Variants in GAS6 observed in about 807,000 individuals in gnomAD.
The protein encoded by GAS6 is growth arrest-specific protein 6.
In GAS6, 41 loss-of-function variants were observed where a neutral mutation model predicts 75.8. The ratio of observed to expected loss-of-function variants is 0.54; its 90% confidence interval spans 0.42 to 0.70. GAS6 has a LOEUF of 0.70. GAS6 is among the 30% of genes least tolerant of loss of function. The pLI, the probability that GAS6 is intolerant of heterozygous loss-of-function variation, is 0.00. For synonymous variants in GAS6, 432 were observed against 412.6 expected, an observed-to-expected ratio of 1.05 and a Z score of -0.57; for missense variants, 854 against 940.2, an observed-to-expected ratio of 0.91 and a Z score of 1.20.
chr13:113,833,846 CTGT>C (rs1468207503), intron 8 of GAS6: 2 of 1,030,950 alleles, frequency 1.9e-6, no homozygotes, highest in Admixed American at 6.1e-5. Flanking sequence ...GTGACAGGTA[CTGT>C]TGTGACAGGT....
At position 113,832,819 on chromosome 13, in the gene GAS6, C is replaced by G. The variant is rs534488518; in HGVS notation, c.835-67G>C. The G allele has an allele frequency of 3.1e-6, 5 of 1,606,472 alleles. No individual in the cohort carries two copies. The South Asian group carries it at 5.5e-5, about 18-fold the overall frequency. On this transcript the variant is annotated intron_variant, in intron 8 of 14. Transcript: ENST00000327773. ...CACTCCTGCTCCCCTGAGCCCCACG[C>G]CCCGGCCGCGCAGCGGGTCCACTGT...
In GAS6 at chr13:113,863,059, CG is replaced by C. The variant is rs1379766916; in HGVS notation, c.255+515del. Among the ~76,000 whole-genome samples the C allele has an allele frequency of 2.0e-5, 3 of 152,148 alleles. No individual in the cohort carries two copies. On this transcript the variant is annotated intron_variant, in intron 2 of 14. Coordinates refer to ENST00000327773, the MANE Select transcript of GAS6 (RefSeq NM_000820.4). The surrounding 1 kb of genome is among the most constrained non-coding windows in gnomAD (Gnocchi z 9.4). ...GCCTCCAGGAGAGCACCTGGCAGAA[CG>C]GGGCCGCGGAGCCGCCCTCCCCTCC...
At chr13:113,846,634 G>T in intron 3 of GAS6, 45 bp from the exon 4 acceptor site, 1 of 1,524,064 alleles carries the variant, frequency 6.6e-7, no homozygotes, top group Non-Finnish European at 9.1e-7. Context: ...TTACAAGACC[G>T]GATGGACTGC....
intron 2 of GAS6, among the ~76,000 whole-genome samples, chr13:113,853,277 A>C (rs1043579027): frequency 4.7e-4 from 71 of 152,220 alleles, no homozygotes; most frequent in African/African-American, 1.4e-3. Flanking sequence ...ATACACTTTA[A>C]CTCCTTGGGT....
At position 113,846,604 on chromosome 13, in the gene GAS6, G is replaced by A. The variant is rs764641456; in HGVS notation, c.281-15C>T. 1 of 1,610,946 alleles carries A rather than the reference G, an allele frequency of 6.2e-7. No individual in the cohort carries two copies. On this transcript the variant is annotated splice_polypyrimidine_tract_variant and intron_variant, in intron 3 of 14. Coordinates refer to ENST00000327773, the MANE Select transcript of GAS6 (RefSeq NM_000820.4). ...GTTGATGCAGTCTGCAGGAAGAAAG[G>A]GAATGGATGTCAGTCATCCTTACAA...
chr13:113,849,709 A>C (rs1016493716), intron 2 of GAS6, among the ~76,000 whole-genome samples: 7 of 152,234 alleles, frequency 4.6e-5, no homozygotes, highest in Non-Finnish European at 1.0e-4. Flanking sequence ...TTATTGTTGC[A>C]AAAAGGCATT....
At position 113,842,991 on chromosome 13, in the gene GAS6, C is replaced by T. The variant is rs368620456; in HGVS notation, c.344-3141G>A. On this transcript the variant is annotated intron_variant, in intron 4 of 14. Transcript: ENST00000327773. ...CTCCCCCAACTCATTTGTTTATTTCCCTGTTGGGAATGTATTGATACCTCT... is the reference window on the plus strand; with the variant it reads ...CTCCCCCAACTCATTTGTTTATTTCTCTGTTGGGAATGTATTGATACCTCT... The T allele has an allele frequency of 1.1e-4, 42 of 395,694 alleles. 4 individuals are homozygous for T. The highest frequency in any genetic ancestry group is 7.6e-4 in the African/African-American group (36 of 47,238). 24.5% of individuals were successfully genotyped at this position (395,694 alleles called of 1,614,324 possible).
At chr13:113,833,513 G>C (rs988932728) in intron 8 of GAS6, 1 of 993,660 alleles carries the variant, frequency 1.0e-6, no homozygotes, top group Non-Finnish European at 1.2e-6. Context: ...GGCTGAAGAG[G>C]AAAGACAAGA....
chr13:113,863,069 G>A lies in GAS6; in HGVS notation c.255+506C>T, dbSNP rs1218688790. Among the ~76,000 whole-genome samples, 2 of 152,160 alleles carry A rather than the reference G, an allele frequency of 1.3e-5. No homozygotes were observed. Among genetic ancestry groups the A allele is most frequent in the Non-Finnish European group, 2.9e-5 (2 of 68,004 alleles). On this transcript the variant is annotated intron_variant, in intron 2 of 14. Coordinates refer to ENST00000327773, the MANE Select transcript of GAS6 (RefSeq NM_000820.4). This position sits in a 1 kb window ranked among gnomAD's most constrained non-coding sequence, Gnocchi z 9.4. ...GAGCACCTGGCAGAACGGGGCCGCG[G>A]AGCCGCCCTCCCCTCCCGCATGCGG...
intron 2 of GAS6, among the ~76,000 whole-genome samples, chr13:113,861,816 C>A (rs770173410): frequency 6.6e-6 from 1 of 152,072 alleles, no homozygotes; most frequent in Non-Finnish European, 1.5e-5. Context: ...AGAGGGAAAG[C>A]GGGTTGTTAT....
intron 2 of GAS6, among the ~76,000 whole-genome samples, chr13:113,858,583 G>C (rs1237046283): frequency 2.0e-5 from 3 of 151,562 alleles, no homozygotes; most frequent in Non-Finnish European, 4.4e-5. Context: ...ATGTCTGTGT[G>C]TGACTGTGTA....
chr13:113,821,035 G>C lies in GAS6; in HGVS notation c.1883-17C>G. The C allele has an allele frequency of 6.2e-7, 1 of 1,611,298 alleles. No individual in the cohort carries two copies. On this transcript the variant is annotated splice_polypyrimidine_tract_variant and intron_variant, in intron 14 of 14. Transcript: ENST00000327773. ...CCGGCACATCTGGGCCGCAGGGAGA[G>C]AACAACATATCTTAGCTCACCACGT...
intron 11 of GAS6, among the ~76,000 whole-genome samples, chr13:113,828,224 A>C (rs902416340): frequency 6.6e-6 from 1 of 152,194 alleles, no homozygotes; most frequent in South Asian, 2.1e-4. Context: ...AGATCGCGCC[A>C]CTGCACTCCA....
intron 2 of GAS6, among the ~76,000 whole-genome samples, chr13:113,860,611 G>A (rs754136390): frequency 2.6e-5 from 4 of 152,124 alleles, no homozygotes; most frequent in Non-Finnish European, 5.9e-5. Context: ...TTAGAAACTC[G>A]GGCAAGGAAC....
In GAS6 at chr13:113,837,972, AC is replaced by A; in HGVS notation, c.589+96del. On this transcript the variant is annotated intron_variant, in intron 6 of 14. Transcript: ENST00000327773. This position sits in a 1 kb window ranked among gnomAD's most constrained non-coding sequence, Gnocchi z 5.1. The stretch of plus-strand genomic sequence containing the variant: ...CCCCATCCCATCCAGAACCACAGGA[AC>A]CCAGCCAGCAGCAGCCGCTTGCAGA... 1 of 1,480,480 alleles carries A rather than the reference AC, an allele frequency of 6.8e-7. No homozygotes were observed. 91.7% of individuals were successfully genotyped at this position (1,480,480 alleles called of 1,614,324 possible).
At chr13:113,847,053 C>T (rs779493382) in intron 3 of GAS6, 4 of 500,994 alleles carry the variant, frequency 8.0e-6, no homozygotes, top group Non-Finnish European at 1.6e-5. Flanking sequence ...GCTAGGGCGG[C>T]GGGGGGAGGC....
At chr13:113,843,191 C>G (rs565804089) in intron 4 of GAS6, 2 of 240,256 alleles carry the variant, frequency 8.3e-6, no homozygotes, top group East Asian at 7.4e-5. Flanking sequence ...GCCCACCTCC[C>G]TGATCCCCAT....
intron 14 of GAS6, 24 bp downstream of exon 14, chr13:113,821,934 T>C: frequency 6.7e-7 from 1 of 1,498,308 alleles, no homozygotes; most frequent in South Asian, 1.3e-5. Flanking sequence ...TTCACCCGGG[T>C]TGAGCGGAGC....
In GAS6 at chr13:113,823,288, G is replaced by A. The variant is rs1172475442; in HGVS notation, c.1653+87C>T. Reference sequence around the variant, plus strand: ...TGGGGGTCCCTGGGGATCCCACCGCGGGCCCCCTTCGTCCCCTGCCAGGGA... The same window carrying A: ...TGGGGGTCCCTGGGGATCCCACCGCAGGCCCCCTTCGTCCCCTGCCAGGGA... On this transcript the variant is annotated intron_variant, in intron 13 of 14. Coordinates refer to ENST00000327773, the MANE Select transcript of GAS6 (RefSeq NM_000820.4). 39 of 1,393,366 alleles carry A rather than the reference G, an allele frequency of 2.8e-5. No individual in the cohort carries two copies. The Admixed American group carries it at 4.4e-4, about 16-fold the overall frequency. The allele number at this position is 1,393,366 out of a possible 1,614,324, so 86.3% of individuals were successfully genotyped here.
Sources: gnomAD v4.1 joint callset for allele counts (sites outside exome capture counted in the v4.1 genomes callset) on GRCh38, gnomAD v4.1.1 for gene constraint, Gnocchi (gnomAD v3.1) non-coding constraint, MANE v1.5 for transcripts, NCBI Gene and HGNC (gene_info 2026-07-23, HGNC 2026-07-21) for gene names.